ANK1: variants seen among roughly 807,000 people sequenced by gnomAD.
ANK1 encodes the protein ankyrin-1.
A neutral mutation model predicts 210.4 loss-of-function variants in ANK1; 51 were observed. That is an observed-to-expected ratio of 0.24 (90% CI 0.19 to 0.31). The LOEUF (loss-of-function observed/expected upper bound fraction) is 0.31. Ranked by LOEUF, ANK1 falls within the 10% of genes least tolerant of loss-of-function variation. ANK1 has a pLI of 1.00. For synonymous variants in ANK1, 967 were observed against 1,025.9 expected (o/e 0.94, Z 1.10); for missense variants, 2,051 against 2,504.4 (o/e 0.82, Z 3.86).
At chr8:41,701,324 T>C (rs1822725604) in intron 22 of ANK1, among the ~76,000 whole-genome samples, 1 of 152,248 alleles carries the variant, frequency 6.6e-6, no homozygotes, top group East Asian at 1.9e-4. Context: ...TGAAACTTCA[T>C]GGGATTTTAA....
chr8:41,655,658 A>T lies in ANK1; in HGVS notation c.*132T>A. The T allele has an allele frequency of 6.4e-7, 1 of 1,559,714 alleles. No individual in the cohort carries two copies. Among genetic ancestry groups the T allele is most frequent in the Non-Finnish European group, 8.8e-7 (1 of 1,131,336 alleles). On this transcript the variant is annotated 3_prime_UTR_variant, in exon 43 of 43. Coordinates refer to ENST00000289734, the MANE Select transcript of ANK1 (RefSeq NM_000037.4). ...GAGGTCATGCCGTCAGCCCAGAGGA[A>T]TGTGTGCACCGCTGCGGTGGCCCTC...
At chr8:41,719,924 C>T (rs562653808) in intron 9 of ANK1, 66 bp from the exon 10 acceptor site, 276 of 1,541,148 alleles carry the variant, frequency 1.8e-4, no homozygotes, top group Non-Finnish European at 2.2e-4. Flanking sequence ...AGATTCAGGA[C>T]GATTCCAACG....
chr8:41,799,971 G>A (rs1185076688), upstream of ANK1, among the ~76,000 whole-genome samples: 1 of 152,150 alleles, frequency 6.6e-6, no homozygotes, highest in Admixed American at 6.6e-5. Context: ...CTGTGAATTG[G>A]AGTGACATTT....
chr8:41,792,250 C>T (rs1424242350), intron 1 of ANK1, among the ~76,000 whole-genome samples: 1 of 152,190 alleles, frequency 6.6e-6, no homozygotes, highest in Non-Finnish European at 1.5e-5. Flanking sequence ...CACTGCCTGT[C>T]GGAGAATGAT....
intron 1 of ANK1, among the ~76,000 whole-genome samples, chr8:41,833,320 C>A (rs1369964708): frequency 6.6e-6 from 1 of 152,224 alleles, no homozygotes; most frequent in Non-Finnish European, 1.5e-5. Flanking sequence ...CTTCCAAGTG[C>A]CCCGTGGTGA....
intron 1 of ANK1, among the ~76,000 whole-genome samples, chr8:41,778,891 C>T (rs796875774): frequency 3.9e-5 from 6 of 152,170 alleles, no homozygotes; most frequent in African/African-American, 9.7e-5. Flanking sequence ...AGGAAGCCCG[C>T]GCTCATAGAG....
At chr8:41,874,387 A>G (rs1411680540) in intron 1 of ANK1, among the ~76,000 whole-genome samples, 2 of 152,222 alleles carry the variant, frequency 1.3e-5, no homozygotes, top group African/African-American at 4.8e-5. Flanking sequence ...TGGGCCCAGG[A>G]AAAAGGCAGT....
chr8:41,773,116 G>A (rs1383853743), intron 1 of ANK1, among the ~76,000 whole-genome samples: 3 of 152,226 alleles, frequency 2.0e-5, no homozygotes, highest in Admixed American at 6.5e-5. Context: ...GAAAGGGAGA[G>A]AGGAATGGAG....
intron 1 of ANK1, among the ~76,000 whole-genome samples, chr8:41,771,968 C>T (rs1250444374): frequency 1.3e-5 from 2 of 152,070 alleles, no homozygotes; most frequent in East Asian, 1.9e-4. Context: ...GATTCTCAGG[C>T]GACTCTGCCT....
chr8:41,667,097 G>A lies in ANK1; in HGVS notation c.5394+1170C>T, dbSNP rs375112141. On this transcript the variant is annotated intron_variant, in intron 39 of 42. Coordinates refer to ENST00000289734, the MANE Select transcript of ANK1 (RefSeq NM_000037.4). Reference sequence around the variant, plus strand: ...TGCTCTGGGAGCAGGAGAACTAGGCGCCCAGGAGGGCCTGATGGAAGAAAC... The same window carrying A: ...TGCTCTGGGAGCAGGAGAACTAGGCACCCAGGAGGGCCTGATGGAAGAAAC... Among the ~76,000 whole-genome samples, 62 of 152,362 alleles carry A rather than the reference G, an allele frequency of 4.1e-4. 1 individual carries two copies. Among genetic ancestry groups the A allele is most frequent in the East Asian group, 2.1e-3 (11 of 5,180 alleles).
chr8:41,844,411 A>G (rs564537316), intron 1 of ANK1, among the ~76,000 whole-genome samples: 4 of 152,178 alleles, frequency 2.6e-5, no homozygotes, highest in Non-Finnish European at 4.4e-5. Flanking sequence ...ACAAACAAGT[A>G]GAGAGGACAC....
chr8:41,725,855 C>T lies in ANK1; in HGVS notation c.518G>A (p.Arg173His). The T allele has an allele frequency of 6.2e-7, 1 of 1,611,836 alleles. No individual in the cohort carries two copies. Among genetic ancestry groups the T allele is most frequent in the Non-Finnish European group, 8.5e-7 (1 of 1,179,492 alleles). Residue 173 changes from arginine (R) to histidine (H), a missense_variant, in exon 6 of 43, where the codon CGC (arginine) becomes CAC (histidine). By Grantham distance (29) the Arg-to-His change is conservative. Around this residue, in one of 6 missense-constraint regions of ANK1, gnomAD observed 1,413 missense variants for 1,707.4 expected, o/e 0.83. Transcript: ENST00000289734. ...GGCCGCGATGTGCAGGGCCGGGAGG[C>T]GCACCTTCCCCTTGGTGCCGTAGTT... Reference protein sequence around the residue: ...LINYGTKGKVRLPALHIAARN... With the variant: ...LINYGTKGKVHLPALHIAARN...
chr8:41,694,945 T>C lies in ANK1; in HGVS notation c.3116-142A>G, dbSNP rs1820410423. On this transcript the variant is annotated intron_variant, in intron 27 of 42. Transcript: ENST00000289734. This position sits in a 1 kb window ranked among gnomAD's most constrained non-coding sequence, Gnocchi z 5.7. ...CGGGCGGCATAGTGGCCAGAAGAAG[T>C]GGCCAGAAGAAGTGCCCAGGCCCAG... The C allele has an allele frequency of 9.2e-7, 1 of 1,085,532 alleles. No individual in the cohort carries two copies. The highest frequency in any genetic ancestry group is 1.4e-6 in the Non-Finnish European group (1 of 725,856). The allele number at this position is 1,085,532 out of a possible 1,614,324, so 67.2% of individuals were successfully genotyped here.
intron 1 of ANK1, among the ~76,000 whole-genome samples, chr8:41,774,100 G>A (rs1843519395): frequency 6.6e-6 from 1 of 152,170 alleles, no homozygotes; most frequent in South Asian, 2.1e-4. Flanking sequence ...GAATAGTTCT[G>A]GGACCACCCA....
Position 41,708,948 on chromosome 8 carries a change from C to A in ANK1, c.1828G>T (p.Ala610Ser), listed in dbSNP as rs771058527. The A allele has an allele frequency of 3.7e-6, 6 of 1,614,092 alleles. No homozygotes were observed. The Admixed American group carries it at 8.3e-5, about 22-fold the overall frequency. Residue 610 changes from alanine to serine, a missense_variant, in exon 17 of 43, where the codon GCC (alanine) becomes TCC (serine). This residue lies in a region of ANK1 where 1,413 missense variants were observed against 1,707.4 expected (regional missense o/e 0.83). Transcript: ENST00000289734. ...GCCACCTCCACCTGGTTCTGCTTGGCAGCGATGTGCAAAGGGGTGTAGCCA... is the reference window on the plus strand; with the variant it reads ...GCCACCTCCACCTGGTTCTGCTTGGAAGCGATGTGCAAAGGGGTGTAGCCA... ...WNGYTPLHIA[A>S]KQNQVEVARS...
intron 42 of ANK1, chr8:41,660,363 G>A: frequency 2.2e-6 from 1 of 461,892 alleles, no homozygotes; most frequent in Non-Finnish European, 4.4e-6. Context: ...AGGCCCTGGG[G>A]TGTGAATGGT....
intron 37 of ANK1, among the ~76,000 whole-genome samples, chr8:41,676,337 AATG>A (rs1454989969): frequency 3.9e-5 from 6 of 152,204 alleles, no homozygotes; most frequent in African/African-American, 1.4e-4. Flanking sequence ...CCAAATCACT[AATG>A]ATGTTGAGCA....
At chr8:41,751,861 C>G (rs1162260928) in intron 2 of ANK1, among the ~76,000 whole-genome samples, 1 of 152,126 alleles carries the variant, frequency 6.6e-6, no homozygotes, top group Non-Finnish European at 1.5e-5. Flanking sequence ...ATGACTTCAC[C>G]CTTATGGCAA....
chr8:41,705,550 G>A (rs1824332916), intron 18 of ANK1, among the ~76,000 whole-genome samples: 1 of 152,174 alleles, frequency 6.6e-6, no homozygotes, highest in Non-Finnish European at 1.5e-5. Flanking sequence ...TTTTAATATG[G>A]TTCCCTTGTG....
Sources: gnomAD v4.1 joint callset for allele counts (sites outside exome capture counted in the v4.1 genomes callset) on GRCh38, gnomAD v4.1.1 for gene constraint, gnomAD v4.1.1 regional missense constraint, Gnocchi (gnomAD v3.1) non-coding constraint, MANE v1.5 for transcripts, NCBI Gene and HGNC (gene_info 2026-07-23, HGNC 2026-07-21) for gene names.